RBFOX3: variants seen among roughly 807,000 people sequenced by gnomAD.
RBFOX3 encodes RNA binding protein fox-1 homolog 3.
Under a neutral mutation model 48.7 loss-of-function variants are expected in RBFOX3, and 17 were observed. The observed-to-expected ratio is 0.35, with a 90% CI of 0.24 to 0.52. The LOEUF (loss-of-function observed/expected upper bound fraction) is 0.52, where lower values mean the gene tolerates loss of function less well. Ranked by LOEUF, RBFOX3 falls within the 20% of genes least tolerant of loss-of-function variation. The pLI is 0.94. For missense variants in RBFOX3, 382 were observed against 497.5 expected, an observed-to-expected ratio of 0.77 and a Z score of 2.21; for synonymous variants, 212 against 209.5, an observed-to-expected ratio of 1.01 and a Z score of -0.10.
intron 1 of RBFOX3, among the ~76,000 whole-genome samples, chr17:79,490,720 TAGAG>T (rs59694667): frequency 9.7e-5 from 14 of 144,344 alleles, no homozygotes; most frequent in East Asian, 4.2e-4. Context: ...GCCTGCAGTG[TAGAG>T]AGAGAGAGAG....
intron 2 of RBFOX3, among the ~76,000 whole-genome samples, chr17:79,322,368 C>T (rs2078660846): frequency 6.6e-6 from 1 of 152,104 alleles, no homozygotes; most frequent in Non-Finnish European, 1.5e-5. Flanking sequence ...GGGAGAGTTC[C>T]AAGTCATTAA....
chr17:79,266,989 C>T (rs576915437), intron 3 of RBFOX3, among the ~76,000 whole-genome samples: 105 of 152,294 alleles, frequency 6.9e-4, no homozygotes, highest in African/African-American at 2.4e-3. Context: ...ATGACTGAAC[C>T]TGAGGCGGTC....
At chr17:79,197,922 A>G (rs1567825454) in intron 4 of RBFOX3, among the ~76,000 whole-genome samples, 1 of 151,922 alleles carries the variant, frequency 6.6e-6, no homozygotes, top group Non-Finnish European at 1.5e-5. Context: ...ACCTCCCCCG[A>G]CTCCGGGCAT....
At chr17:79,571,073 CCA>C (rs1488801879) in intron 1 of RBFOX3, among the ~76,000 whole-genome samples, 1 of 152,158 alleles carries the variant, frequency 6.6e-6, no homozygotes, top group Non-Finnish European at 1.5e-5. Context: ...AATGCCAGTT[CCA>C]CGTCCCCGGC....
chr17:79,096,517 A>C, intron 12 of RBFOX3, 136 bp downstream of exon 12: 1 of 739,644 alleles, frequency 1.4e-6, no homozygotes, highest in Non-Finnish European at 2.2e-6. Flanking sequence ...CAGACGTGGC[A>C]CCCTCGCCCT....
At chr17:79,094,555 TGGGAGGA>T in intron 13 of RBFOX3, 26 bp from the exon 14 acceptor site, 70 of 286,512 alleles carry the variant, frequency 2.4e-4, no homozygotes, top group Non-Finnish European at 3.4e-4. Context: ...GGAGGGGGAG[TGGGAGGA>T]GGGTGGGGGA....
In RBFOX3 at chr17:79,392,115, C is replaced by T. The variant is rs1484573787; in HGVS notation, c.-174-84291G>A. 3.3e-5 allele frequency among the ~76,000 whole-genome samples: 5 copies of T among 152,210 alleles called. No homozygotes were observed. The highest frequency in any genetic ancestry group is 9.6e-5 in the African/African-American group (4 of 41,458). On this transcript the variant is annotated intron_variant, in intron 2 of 14. Coordinates refer to ENST00000693108, the MANE Select transcript of RBFOX3 (RefSeq NM_001350451.2). The surrounding 1 kb of genome is among the most constrained non-coding windows in gnomAD (Gnocchi z 5.0). ...CGGGACCTTGGGCAAACTCTTTTAG[C>T]CTCAGCACCTTCCTCTGTGAAATGG...
At chr17:79,395,943 C>G (rs896819942) in intron 2 of RBFOX3, among the ~76,000 whole-genome samples, 4 of 152,216 alleles carry the variant, frequency 2.6e-5, no homozygotes, top group Non-Finnish European at 5.9e-5. Flanking sequence ...GTCTGGGGTA[C>G]AGGTGCACTA....
chr17:79,368,037 GGTTAGTC>G (rs570582126), intron 2 of RBFOX3, among the ~76,000 whole-genome samples: 3 of 152,328 alleles, frequency 2.0e-5, no homozygotes, highest in African/African-American at 7.2e-5. Flanking sequence ...CACATGGCAA[GGTTAGTC>G]CCAATGGGAT....
chr17:79,357,111 C>G (rs572540239), intron 2 of RBFOX3, among the ~76,000 whole-genome samples: 2 of 152,358 alleles, frequency 1.3e-5, no homozygotes, highest in African/African-American at 4.8e-5. Flanking sequence ...CCCACACCCG[C>G]TGGTGACAAA....
chr17:79,606,383 G>T (rs1393899697), intron 1 of RBFOX3, among the ~76,000 whole-genome samples: 9 of 152,194 alleles, frequency 5.9e-5, no homozygotes, highest in Non-Finnish European at 1.2e-4. Context: ...ATGGTGGATG[G>T]TCCTTTCCCA....
chr17:79,270,759 C>T (rs1486920919), intron 3 of RBFOX3, among the ~76,000 whole-genome samples: 1 of 152,258 alleles, frequency 6.6e-6, no homozygotes, highest in African/African-American at 2.4e-5. Flanking sequence ...GTGGGGAAGC[C>T]CTCCTGCTTT....
chr17:79,540,766 T>C (rs578067696), intron 1 of RBFOX3, among the ~76,000 whole-genome samples: 1 of 152,198 alleles, frequency 6.6e-6, no homozygotes, highest in Non-Finnish European at 1.5e-5. Flanking sequence ...TCTGTAAAAG[T>C]GGAGGTCGAT....
intron 3 of RBFOX3, among the ~76,000 whole-genome samples, chr17:79,263,304 G>C (rs1006799814): frequency 6.6e-6 from 1 of 152,260 alleles, no homozygotes; most frequent in Non-Finnish European, 1.5e-5. Context: ...TGGGAAGGTG[G>C]CCAGCACTTT....
At chr17:79,570,533 G>A (rs2092637183) in intron 1 of RBFOX3, among the ~76,000 whole-genome samples, 2 of 152,320 alleles carry the variant, frequency 1.3e-5, no homozygotes, top group East Asian at 3.9e-4. Context: ...TGGCACAGCA[G>A]CAGTCTAAGA....
intron 1 of RBFOX3, among the ~76,000 whole-genome samples, chr17:79,558,094 T>A (rs945557795): frequency 6.6e-6 from 1 of 152,074 alleles, no homozygotes; most frequent in African/African-American, 2.4e-5. Flanking sequence ...CAGACTCAGA[T>A]CATCACGAGG....
the RBFOX3 span, among the ~76,000 whole-genome samples, chr17:79,634,541 G>A: frequency 3.3e-5 from 5 of 152,216 alleles, no homozygotes; most frequent in South Asian, 1.0e-3. Flanking sequence ...CCGCAAATGG[G>A]GTTCTATAGA....
At chr17:79,567,335 C>A (rs892039802) in intron 1 of RBFOX3, among the ~76,000 whole-genome samples, 1 of 151,954 alleles carries the variant, frequency 6.6e-6, no homozygotes, top group African/African-American at 2.4e-5. Flanking sequence ...AGGTGCCCAC[C>A]ACTATGCCCA....
intron 2 of RBFOX3, among the ~76,000 whole-genome samples, chr17:79,470,956 C>T (rs1224551203): frequency 6.6e-6 from 1 of 152,098 alleles, no homozygotes; most frequent in Non-Finnish European, 1.5e-5. Context: ...CACTTAATCT[C>T]CCTTTGCCTG....
Sources: gnomAD v4.1 joint callset for allele counts (sites outside exome capture counted in the v4.1 genomes callset) on GRCh38, gnomAD v4.1.1 for gene constraint, Gnocchi (gnomAD v3.1) non-coding constraint, MANE v1.5 for transcripts, NCBI Gene and HGNC (gene_info 2026-07-23, HGNC 2026-07-21) for gene names.